The following MCAT variants were observed in gnomAD, a reference collection of about 807,000 sequenced individuals.
MCAT encodes malonyl-CoA-acyl carrier protein transacylase, mitochondrial.
Under a neutral mutation model 22.9 loss-of-function variants are expected in MCAT, and 22 were observed. The ratio of observed to expected loss-of-function variants is 0.96; its 90% CI spans 0.69 to 1.37. The LOEUF is 1.37. MCAT is among the 40% of genes most tolerant of loss of function. The pLI, the probability that MCAT is intolerant of heterozygous loss-of-function variation, is 0.00. For missense variants in MCAT, 534 were observed against 533.6 expected, an observed-to-expected ratio of 1.00 and a Z score of -0.01; for synonymous variants, 240 against 233.9, an observed-to-expected ratio of 1.03 and a Z score of -0.24.
intron 2 of MCAT, among the ~76,000 whole-genome samples, chr22:43,138,928 C>G (rs376668875): frequency 6.6e-6 from 1 of 152,286 alleles, no homozygotes. Context: ...CTTAGCACTT[C>G]TATGTACTGG....
Position 43,141,203 on chromosome 22 carries a change from A to C in MCAT, c.470T>G (p.Phe157Cys). The change falls in exon 2 of 4, where the codon TTT (phenylalanine) becomes TGT (cysteine). Residue 157 changes from phenylalanine (F) to cysteine (C), a missense_variant. Transcript: ENST00000290429. ...GGCTCCGGCAAACACTAGGGCTGCA[A>C]ACTCTCCCACACTGAATCCAGCAGC... Reference protein sequence around the residue: ...VAAAGFSVGEFAALVFAGAME... With the variant: ...VAAAGFSVGECAALVFAGAME... 1.2e-6 allele frequency: 2 copies of C among 1,614,134 alleles called. No homozygotes were observed. Among genetic ancestry groups the C allele is most frequent in the Non-Finnish European group, 1.7e-6 (2 of 1,180,028 alleles).
At position 43,143,303 on chromosome 22, in the gene MCAT, C is replaced by A. The variant is rs200527554; in HGVS notation, c.46G>T (p.Ala16Ser). 5,607 of 1,427,252 alleles carry A rather than the reference C, an allele frequency of 3.9e-3. 134 individuals are homozygous for A. The South Asian group carries it at 0.046, about 12-fold the overall frequency. The allele number at this position is 1,427,252 out of a possible 1,614,324, so 88.4% of individuals were successfully genotyped here. A position where few individuals can be genotyped will look rare whatever the true frequency, so the allele number is the denominator to read the frequency against. Residue 16 changes from alanine to serine, a missense_variant, in exon 1 of 4, where the codon GCC becomes TCC. Coordinates refer to ENST00000290429, the MANE Select transcript of MCAT (RefSeq NM_173467.5). The part of the protein sequence containing the change: ...ARVAWVRGLG[A>S]SYRRGASSFP... ...CTCGAGGCGCCGCGGCGGTAGCTGG[C>A]GCCCAAGCCCCTGACCCACGCTACC...
chr22:43,138,965 G>A (rs966942124), intron 2 of MCAT, among the ~76,000 whole-genome samples: 2 of 152,184 alleles, frequency 1.3e-5, no homozygotes, highest in African/African-American at 4.8e-5. Context: ...CACAAGAACA[G>A]GAGGACAAAT....
In MCAT at chr22:43,140,945, A is replaced by G. The variant is rs8136244; in HGVS notation, c.511+217T>C. 878 of 573,354 alleles carry G rather than the reference A, an allele frequency of 1.5e-3. 8 individuals carry two copies. Among genetic ancestry groups the G allele is most frequent in the African/African-American group, 0.015 (792 of 53,570 alleles). 35.5% of individuals were successfully genotyped at this position (573,354 alleles called of 1,614,324 possible). A position where few individuals can be genotyped will look rare whatever the true frequency, so the allele number is the denominator to read the frequency against. ...GCGGGTTAGACAGTTCAGCAAGCAGATTTCATGAGATTACAAAAATAAGGG... is the reference window on the plus strand; with the variant it reads ...GCGGGTTAGACAGTTCAGCAAGCAGGTTTCATGAGATTACAAAAATAAGGG... On this transcript the variant is annotated intron_variant, in intron 2 of 3. Transcript: ENST00000290429.
Position 43,137,801 on chromosome 22 carries a change from T to A in MCAT, c.512-503A>T, listed in dbSNP as rs186173440. 6.0e-4 allele frequency among the ~76,000 whole-genome samples: 90 copies of A among 150,874 alleles called. 2 individuals carry two copies. The East Asian group carries it at 0.016, about 27-fold the overall frequency. The stretch of plus-strand genomic sequence containing the variant: ...TGGTAAAAGGTAAAGAGGAACAGGG[T>A]GGAAGCCACATTGCCTTAGCCAAGT... On this transcript the variant is annotated intron_variant, in intron 2 of 3. Transcript: ENST00000290429.
Position 43,137,315 on chromosome 22 carries a change from G to GC in MCAT, c.512-18dup, listed in dbSNP as rs750327449. ...CATACAAACCTGGCCAGAGAGAAGC[G>GC]CATTTGGAAAAATGAGGGCACAGAA... On this transcript the variant is annotated splice_polypyrimidine_tract_variant and intron_variant, in intron 2 of 3. Transcript: ENST00000290429. 3 of 1,604,600 alleles carry GC rather than the reference G, an allele frequency of 1.9e-6. No homozygotes were observed. In the Admixed American group the frequency reaches 5.0e-5, roughly 27 times the overall value.
intron 2 of MCAT, among the ~76,000 whole-genome samples, chr22:43,139,161 A>G (rs142882183): frequency 6.6e-5 from 10 of 152,310 alleles, no homozygotes; most frequent in Admixed American, 3.3e-4. Flanking sequence ...AAGAAAACAT[A>G]CAAGAAAAGG....
rs765270564 is a variant in MCAT, at chr22:43,137,196, T to C, written c.614A>G (p.Asn205Ser). The change falls in exon 3 of 4, where the codon AAC becomes AGC. Residue 205 changes from asparagine (N) to serine (S), a missense_variant. Physicochemically the swap from Asn to Ser is conservative, Grantham distance 46. Coordinates refer to ENST00000290429, the MANE Select transcript of MCAT (RefSeq NM_173467.5). Reference sequence around the variant, plus strand: ...TTCCCGGGCTTCCAAACAGGCGAAGTTGAACTTGGACTGAGGCTGGCCGAG... The same window carrying C: ...TTCCCGGGCTTCCAAACAGGCGAAGCTGAACTTGGACTGAGGCTGGCCGAG... ...SVLGQPQSKF[N>S]FACLEAREHC... 32 of 1,614,024 alleles carry C rather than the reference T, an allele frequency of 2.0e-5. No homozygotes were observed. Among genetic ancestry groups the C allele is most frequent in the Non-Finnish European group, 2.3e-5 (27 of 1,180,034 alleles).
intron 2 of MCAT, among the ~76,000 whole-genome samples, chr22:43,140,174 C>T (rs907947611): frequency 1.3e-5 from 2 of 152,234 alleles, no homozygotes; most frequent in South Asian, 4.1e-4. Context: ...TGTTTCTATA[C>T]TAGATTCTTT....
chr22:43,141,214 A>G lies in MCAT; in HGVS notation c.459T>C (p.Ser153=), dbSNP rs763060835. ...ACACTAGGGCTGCAAACTCTCCCAC[A>G]CTGAATCCAGCAGCAGCAACACAGT... The part of the protein sequence containing the change: ...IENCVAAAGF[S]VGEFAALVFA... Residue 153 remains serine, a synonymous_variant, in exon 2 of 4, where the codon AGT becomes AGC. Coordinates refer to ENST00000290429, the MANE Select transcript of MCAT (RefSeq NM_173467.5). The G allele has an allele frequency of 1.9e-6, 3 of 1,614,054 alleles. No homozygotes were observed. The highest frequency in any genetic ancestry group is 2.2e-5 in the South Asian group (2 of 91,074).
chr22:43,139,552 A>G (rs192198547), intron 2 of MCAT, among the ~76,000 whole-genome samples: 11 of 151,108 alleles, frequency 7.3e-5, no homozygotes, highest in East Asian at 2.0e-4. Flanking sequence ...AAGAAAACAC[A>G]AAAGTGTAAC....
Position 43,133,379 on chromosome 22 carries a change from C to A in MCAT, c.837G>T (p.Glu279Asp), listed in dbSNP as rs767577336. The change falls in exon 4 of 4, where the codon GAG becomes GAT. Residue 279 changes from glutamate (E) to aspartate (D), a missense_variant. By Grantham distance (45) the Glu-to-Asp change is conservative (BLOSUM62 2). Transcript: ENST00000290429. ...FHTRLMEPAV[E>D]PLTQALKAVD... ...CTGCCTTTAAAGCTTGCGTCAGGGG[C>A]TCCACGGCTGGCTCCATGAGGCGGG... The A allele has an allele frequency of 5.6e-6, 9 of 1,614,062 alleles. No homozygotes were observed. The highest frequency in any genetic ancestry group is 4.0e-5 in the African/African-American group (3 of 74,910).
Position 43,133,263 on chromosome 22 carries a change from T to C in MCAT, c.953A>G (p.Gln318Arg). 1 of 1,614,206 alleles carries C rather than the reference T, an allele frequency of 6.2e-7. No homozygotes were observed. Among genetic ancestry groups the C allele is most frequent in the Middle Eastern group, 1.6e-4 (1 of 6,062 alleles). ...CCACTTCACTGGGGAGACCAGCTGCTGGGCCAGCAGCTTGTGGATGTGCCC... is the reference window on the plus strand; with the variant it reads ...CCACTTCACTGGGGAGACCAGCTGCCGGGCCAGCAGCTTGTGGATGTGCCC... ...HPGHIHKLLAQQLVSPVKWEQ... is the reference protein window; with the variant it reads ...HPGHIHKLLARQLVSPVKWEQ... Residue 318 changes from glutamine (Q) to arginine (R), a missense_variant, in exon 4 of 4, where the codon CAG (glutamine) becomes CGG (arginine). Transcript: ENST00000290429.
In MCAT at chr22:43,143,266, G is replaced by A. The variant is rs779325361; in HGVS notation, c.83C>T (p.Pro28Leu). ...YRRGASSFPV[P>L]PPGAQGVAEL... is the part of the protein sequence containing the mutation. ...CGCTACACCCTGGGCGCCCGGCGGA[G>A]GCACCGGGAAGCTCGAGGCGCCGCG... The change falls in exon 1 of 4, where the codon CCT becomes CTT. Residue 28 changes from proline to leucine, a missense_variant. Pro to Leu is a moderately conservative substitution (Grantham distance 98). Coordinates refer to ENST00000290429, the MANE Select transcript of MCAT (RefSeq NM_173467.5). The A allele has an allele frequency of 3.5e-6, 5 of 1,443,434 alleles. No homozygotes were observed. In the South Asian group the frequency reaches 4.2e-5, roughly 12 times the overall value. 89.4% of individuals were successfully genotyped at this position (1,443,434 alleles called of 1,614,324 possible). A position where few individuals can be genotyped will look rare whatever the true frequency, so the allele number is the denominator to read the frequency against.
intron 2 of MCAT, among the ~76,000 whole-genome samples, chr22:43,137,808 C>T (rs1001724712): frequency 3.9e-5 from 6 of 151,972 alleles, no homozygotes; most frequent in African/African-American, 1.5e-4. Flanking sequence ...GGGTGGAAGC[C>T]ACATTGCCTT....
intron 2 of MCAT, among the ~76,000 whole-genome samples, chr22:43,139,443 T>C (rs556377774): frequency 2.6e-5 from 4 of 152,180 alleles, no homozygotes; most frequent in Non-Finnish European, 4.4e-5. Context: ...GGAGGATCAC[T>C]TGAGGCCAAG....
chr22:43,134,669 C>T (rs756126683), intron 3 of MCAT, among the ~76,000 whole-genome samples: 53 of 152,188 alleles, frequency 3.5e-4, no homozygotes, highest in Non-Finnish European at 4.0e-4. Flanking sequence ...CTGGCGAGCA[C>T]AGACCAGGAG....
Position 43,132,797 on chromosome 22 carries a change from A to C in MCAT, c.*246T>G, listed in dbSNP as rs2147030619. ...GCGGGGCCAGGATTCTAGCTTCCCCACACACCAGCCCTGTGGCATCATTCT... is the reference window on the plus strand; with the variant it reads ...GCGGGGCCAGGATTCTAGCTTCCCCCCACACCAGCCCTGTGGCATCATTCT... On this transcript the variant is annotated 3_prime_UTR_variant, in exon 4 of 4. Coordinates refer to ENST00000290429, the MANE Select transcript of MCAT (RefSeq NM_173467.5). The C allele has an allele frequency of 1.9e-6, 1 of 514,874 alleles. No individual in the cohort carries two copies. The highest frequency in any genetic ancestry group is 2.3e-5 in the South Asian group (1 of 43,226). The allele number at this position is 514,874 out of a possible 1,614,324, so 31.9% of individuals were successfully genotyped here. A position where few individuals can be genotyped will look rare whatever the true frequency, so the allele number is the denominator to read the frequency against.
chr22:43,138,778 A>T (rs1930690620), intron 2 of MCAT, among the ~76,000 whole-genome samples: 1 of 152,076 alleles, frequency 6.6e-6, no homozygotes, highest in Non-Finnish European at 1.5e-5. Flanking sequence ...GCCTGAAACT[A>T]CCAGACCCCT....
Sources: gnomAD v4.1 joint callset for allele counts (sites outside exome capture counted in the v4.1 genomes callset) on GRCh38, gnomAD v4.1.1 for gene constraint, MANE v1.5 for transcripts, NCBI Gene and HGNC (gene_info 2026-07-23, HGNC 2026-07-21) for gene names.